Variants in KCNT2 observed in about 807,000 individuals in gnomAD.
KCNT2 encodes potassium sodium-activated channel subfamily T member 2.
A neutral mutation model predicts 153.8 loss-of-function variants in KCNT2; 67 were observed. That is an observed-to-expected ratio of 0.44 (90% CI 0.36 to 0.53). KCNT2 has a LOEUF of 0.53. KCNT2 is among the 20% of genes least tolerant of loss of function. KCNT2 has a pLI of 0.00. For synonymous variants in KCNT2, 500 were observed against 458.8 expected, an observed-to-expected ratio of 1.09 and a Z score of -1.15; for missense variants, 975 against 1,354.8, an observed-to-expected ratio of 0.72 and a Z score of 4.40.
intron 12 of KCNT2, among the ~76,000 whole-genome samples, chr1:196,421,898 G>A (rs1198029433): frequency 1.3e-5 from 2 of 151,964 alleles, no homozygotes; most frequent in Non-Finnish European, 2.9e-5. Context: ...TTTACATGGT[G>A]TTTTCCCTGT....
At chr1:196,443,768 T>C (rs1675447010) in intron 8 of KCNT2, among the ~76,000 whole-genome samples, 1 of 151,578 alleles carries the variant, frequency 6.6e-6, no homozygotes, top group Admixed American at 6.6e-5. Flanking sequence ...AAGATATTTC[T>C]AATTCATCTT....
At chr1:196,336,491 T>C (rs1053260947) in intron 16 of KCNT2, among the ~76,000 whole-genome samples, 8 of 152,174 alleles carry the variant, frequency 5.3e-5, no homozygotes, top group African/African-American at 4.8e-5. Context: ...CAATCTATTA[T>C]ACAAACCCTC....
chr1:196,522,023 T>TA (rs1233551419), intron 1 of KCNT2, among the ~76,000 whole-genome samples: 1 of 136,812 alleles, frequency 7.3e-6, no homozygotes, highest in East Asian at 1.9e-4. Flanking sequence ...CATAAGTAAT[T>TA]AATTAATTAA....
chr1:196,387,150 C>T (rs922008817), intron 13 of KCNT2, among the ~76,000 whole-genome samples: 2 of 151,792 alleles, frequency 1.3e-5, no homozygotes, highest in African/African-American at 4.8e-5. Context: ...AAATAATAAT[C>T]ATCCACAAAC....
chr1:196,340,606 T>A (rs948923576), intron 15 of KCNT2, 36 bp from the exon 16 acceptor site: 8 of 1,252,588 alleles, frequency 6.4e-6, no homozygotes, highest in Non-Finnish European at 8.9e-6. Flanking sequence ...GTAAGAAAAT[T>A]AGTAAATTAT....
At chr1:196,393,803 C>G (rs1251835795) in intron 13 of KCNT2, among the ~76,000 whole-genome samples, 1 of 151,376 alleles carries the variant, frequency 6.6e-6, no homozygotes, top group Non-Finnish European at 1.5e-5. Flanking sequence ...TAAGGTTTCC[C>G]CAGGTGATTG....
chr1:196,425,818 T>G, intron 11 of KCNT2, 34 bp downstream of exon 11: 1 of 1,607,194 alleles, frequency 6.2e-7, no homozygotes, highest in Non-Finnish European at 8.5e-7. Flanking sequence ...CACTCAAAAC[T>G]GTAAGCTGCA....
At chr1:196,237,502 A>C (rs1247440075) in intron 26 of KCNT2, among the ~76,000 whole-genome samples, 1 of 151,780 alleles carries the variant, frequency 6.6e-6, no homozygotes, top group Non-Finnish European at 1.5e-5. Flanking sequence ...GTATCATGCC[A>C]TAGTGTTAGG....
chr1:196,386,000 G>A (rs1459995723), intron 13 of KCNT2, among the ~76,000 whole-genome samples: 4 of 152,024 alleles, frequency 2.6e-5, no homozygotes, highest in Admixed American at 2.6e-4. Flanking sequence ...TGCCGTAAAA[G>A]GCATTGTGAC....
intron 1 of KCNT2, among the ~76,000 whole-genome samples, chr1:196,544,139 A>G (rs1656746626): frequency 2.0e-5 from 3 of 152,158 alleles, no homozygotes; most frequent in Admixed American, 6.6e-5. Context: ...TCACTATAAC[A>G]ATAAGTTATG....
At chr1:196,545,453 C>G (rs1359031516) in intron 1 of KCNT2, among the ~76,000 whole-genome samples, 1 of 152,036 alleles carries the variant, frequency 6.6e-6, no homozygotes, top group Non-Finnish European at 1.5e-5. Context: ...CTTGAGGAAA[C>G]AGGATCAGGC....
chr1:196,241,163 G>A (rs1654921118), intron 26 of KCNT2, among the ~76,000 whole-genome samples: 1 of 151,890 alleles, frequency 6.6e-6, no homozygotes, highest in Non-Finnish European at 1.5e-5. Flanking sequence ...AAAAGAAATA[G>A]GTGCTATATG....
At position 196,387,731 on chromosome 1, in the gene KCNT2, G is replaced by T. The variant is rs570660586; in HGVS notation, c.1294+10832C>A. ...ATCCTTGTGTGTGTATAAAATATCC[G>T]TTCGATTCTTCTACCTATTTTTATT... On this transcript the variant is annotated intron_variant, in intron 13 of 27. Transcript: ENST00000294725. 3.1e-4 allele frequency among the ~76,000 whole-genome samples: 47 copies of T among 151,770 alleles called. 1 individual carries two copies. Among genetic ancestry groups the T allele is most frequent in the Non-Finnish European group, 6.0e-4 (41 of 67,844 alleles).
At chr1:196,270,769 C>T (rs1558086087) in intron 25 of KCNT2, among the ~76,000 whole-genome samples, 1 of 151,640 alleles carries the variant, frequency 6.6e-6, no homozygotes, top group Non-Finnish European at 1.5e-5. Context: ...AGAACCTATA[C>T]ACTATAAGGT....
At chr1:196,322,664 A>T (rs1663443733) in intron 19 of KCNT2, among the ~76,000 whole-genome samples, 2 of 151,900 alleles carry the variant, frequency 1.3e-5, no homozygotes, top group South Asian at 4.1e-4. Flanking sequence ...AATTTGTATG[A>T]ATTTGTAAAA....
intron 21 of KCNT2, among the ~76,000 whole-genome samples, chr1:196,315,491 C>A (rs1021689043): frequency 1.3e-5 from 2 of 151,650 alleles, no homozygotes; most frequent in Non-Finnish European, 3.0e-5. Context: ...GGGTAACTTA[C>A]CTGTTCACAG....
intron 12 of KCNT2, among the ~76,000 whole-genome samples, chr1:196,414,492 A>C (rs1672593534): frequency 2.0e-5 from 3 of 151,846 alleles, no homozygotes; most frequent in Non-Finnish European, 4.4e-5. Flanking sequence ...CAACCTAACA[A>C]ATATTTCTCC....
intron 21 of KCNT2, among the ~76,000 whole-genome samples, chr1:196,305,843 T>C (rs1168274184): frequency 2.0e-5 from 3 of 152,246 alleles, no homozygotes; most frequent in East Asian, 3.9e-4. Context: ...GATGAGGAAA[T>C]AATTTATGTA....
At chr1:196,327,588 T>A (rs187900052) in intron 18 of KCNT2, among the ~76,000 whole-genome samples, 3 of 152,024 alleles carry the variant, frequency 2.0e-5, no homozygotes, top group Non-Finnish European at 4.4e-5. Context: ...CCTTTATATG[T>A]CTTTATGTTC....
Sources: gnomAD v4.1 joint callset for allele counts (sites outside exome capture counted in the v4.1 genomes callset) on GRCh38, gnomAD v4.1.1 for gene constraint, MANE v1.5 for transcripts, NCBI Gene and HGNC (gene_info 2026-07-23, HGNC 2026-07-21) for gene names.